Variants in STAU1 observed in about 807,000 individuals in gnomAD.
STAU1 encodes the protein staufen double-stranded RNA binding protein 1.
A neutral mutation model predicts 62.9 loss-of-function variants in STAU1; 13 were observed. That is an observed-to-expected ratio of 0.21 (90% CI 0.13 to 0.33). The LOEUF (loss-of-function observed/expected upper bound fraction) is 0.33, where lower values mean the gene tolerates loss of function less well. STAU1 is among the 10% of genes least tolerant of loss of function. The pLI is 1.00. For synonymous variants in STAU1, 269 were observed against 265.1 expected, an observed-to-expected ratio of 1.01 and a Z score of -0.14; for missense variants, 571 against 712.1, an observed-to-expected ratio of 0.80 and a Z score of 2.25.
At chr20:49,143,492 C>G (rs919066416) in intron 5 of STAU1, among the ~76,000 whole-genome samples, 2 of 152,128 alleles carry the variant, frequency 1.3e-5, no homozygotes, top group South Asian at 2.1e-4. Flanking sequence ...ACGAGGGAGA[C>G]TGAGATGGGA....
At chr20:49,150,716 C>T (rs559122104) in intron 5 of STAU1, among the ~76,000 whole-genome samples, 1 of 152,146 alleles carries the variant, frequency 6.6e-6, no homozygotes, top group South Asian at 2.1e-4. Context: ...TGAATCTGGG[C>T]TCCATGACTG....
chr20:49,139,033 T>C (rs1487230806), intron 5 of STAU1, among the ~76,000 whole-genome samples: 1 of 151,654 alleles, frequency 6.6e-6, no homozygotes, highest in Non-Finnish European at 1.5e-5. Context: ...CTAGGAAAAC[T>C]AGATATCCAC....
chr20:49,114,875 G>A lies in STAU1; in HGVS notation c.*3C>T, dbSNP rs1281458575. On this transcript the variant is annotated 3_prime_UTR_variant, in exon 14 of 14. Transcript: ENST00000371856. ...TTTATAATGGTTCATGGCCAGAAAAGGTTCAGCACCTCCCACACCTTTAAG... is the reference window on the plus strand; with the variant it reads ...TTTATAATGGTTCATGGCCAGAAAAAGTTCAGCACCTCCCACACCTTTAAG... 6.2e-7 allele frequency: 1 copy of A among 1,613,394 alleles called. No individual in the cohort carries two copies. The highest frequency in any genetic ancestry group is 2.2e-5 in the East Asian group (1 of 44,884).
At chr20:49,127,789 G>A (rs976923533) in intron 6 of STAU1, among the ~76,000 whole-genome samples, 1 of 152,126 alleles carries the variant, frequency 6.6e-6, no homozygotes, top group African/African-American at 2.4e-5. Context: ...AAGGCGGGTG[G>A]ATGGCTTCAG....
intron 3 of STAU1, among the ~76,000 whole-genome samples, chr20:49,156,449 T>C (rs2093357872): frequency 6.6e-6 from 1 of 152,186 alleles, no homozygotes; most frequent in South Asian, 2.1e-4. Flanking sequence ...AAACCATTCA[T>C]ATACATACTA....
chr20:49,185,817 G>C (rs1440784732), intron 1 of STAU1, among the ~76,000 whole-genome samples: 1 of 152,076 alleles, frequency 6.6e-6, no homozygotes, highest in Non-Finnish European at 1.5e-5. Flanking sequence ...ATGCCATTGT[G>C]ATATGGCAGT....
At chr20:49,189,342 T>C (rs2093825235), upstream of STAU1, among the ~76,000 whole-genome samples, 1 of 144,740 alleles carries the variant, frequency 6.9e-6, no homozygotes, top group African/African-American at 2.5e-5. Context: ...GGGTGGCCAG[T>C]AAAGAATCTT....
intron 3 of STAU1, among the ~76,000 whole-genome samples, chr20:49,161,040 C>G (rs530406048): frequency 6.6e-6 from 1 of 151,980 alleles, no homozygotes; most frequent in South Asian, 2.1e-4. Context: ...AAAATATGGC[C>G]AGGCGGGGTG....
rs1225537705 is a variant in STAU1 at position 49,134,522 on chromosome 20, C to T, written c.609+1311G>A. On this transcript the variant is annotated intron_variant, in intron 6 of 13. Transcript: ENST00000371856. ...TTCTCTCATGGATCCTGACACCAAA[C>T]TCATCGGAAACATAGCACTGTTACC... is the stretch of plus-strand genomic sequence containing the variant. 3 of 1,232,042 alleles carry T rather than the reference C, an allele frequency of 2.4e-6. No homozygotes were observed. The Admixed American group carries it at 5.2e-5, about 21-fold the overall frequency. 76.3% of individuals were successfully genotyped at this position (1,232,042 alleles called of 1,614,324 possible). A position where few individuals can be genotyped will look rare whatever the true frequency, so the allele number is the denominator to read the frequency against.
chr20:49,160,216 T>C (rs1353776690), intron 3 of STAU1, among the ~76,000 whole-genome samples: 2 of 152,206 alleles, frequency 1.3e-5, no homozygotes. Context: ...AACCTAGATG[T>C]GTCTGACTTC....
intron 1 of STAU1, among the ~76,000 whole-genome samples, chr20:49,174,608 C>A (rs982566131): frequency 9.2e-5 from 14 of 151,850 alleles, no homozygotes; most frequent in African/African-American, 3.4e-4. Flanking sequence ...GTAATCCCAG[C>A]ACTTTGGAAG....
At chr20:49,201,796 A>T in the STAU1 span, among the ~76,000 whole-genome samples, 1 of 151,858 alleles carries the variant, frequency 6.6e-6, no homozygotes. Flanking sequence ...TTGTGAACTG[A>T]ATGAAGACAA....
intron 6 of STAU1, among the ~76,000 whole-genome samples, chr20:49,126,461 G>A (rs1427055367): frequency 6.7e-6 from 1 of 150,320 alleles, no homozygotes; most frequent in African/African-American, 2.5e-5. Flanking sequence ...CTAGCTATGT[G>A]GGAGGCTAAA....
intron 6 of STAU1, among the ~76,000 whole-genome samples, chr20:49,129,958 C>A (rs896538858): frequency 6.6e-6 from 1 of 152,084 alleles, no homozygotes; most frequent in East Asian, 1.9e-4. Flanking sequence ...ATTTATCATG[C>A]AACTCAGCAA....
chr20:49,205,963 C>T, the STAU1 span, among the ~76,000 whole-genome samples: 31 of 150,378 alleles, frequency 2.1e-4, no homozygotes, highest in Middle Eastern at 3.5e-3. Context: ...TGTGAGCTAC[C>T]GTGTCCGGCT....
At chr20:49,153,348 C>A (rs1420598671) in intron 4 of STAU1, among the ~76,000 whole-genome samples, 1 of 149,982 alleles carries the variant, frequency 6.7e-6, no homozygotes, top group East Asian at 2.0e-4. Context: ...ACTCCTTGAG[C>A]CCAGAAGTTC....
chr20:49,145,742 A>C (rs544294760), intron 5 of STAU1, among the ~76,000 whole-genome samples: 17 of 151,930 alleles, frequency 1.1e-4, no homozygotes, highest in Non-Finnish European at 2.2e-4. Context: ...AAAAAAAAAG[A>C]AAAGAAAACC....
chr20:49,152,867 A>T (rs2093278793), intron 4 of STAU1, among the ~76,000 whole-genome samples: 1 of 152,180 alleles, frequency 6.6e-6, no homozygotes, highest in Non-Finnish European at 1.5e-5. Context: ...AAGCAGTTAC[A>T]AGGGTTATCT....
At chr20:49,174,993 A>C (rs904085371) in intron 1 of STAU1, among the ~76,000 whole-genome samples, 2 of 151,098 alleles carry the variant, frequency 1.3e-5, no homozygotes, top group African/African-American at 4.9e-5. Context: ...ACCCATCTCT[A>C]CTAAAAATAC....
Sources: allele counts gnomAD v4.1 joint callset (sites outside exome capture counted in the v4.1 genomes callset), GRCh38; gene constraint gnomAD v4.1.1; transcripts MANE v1.5; gene names NCBI Gene and HGNC (gene_info 2026-07-23, HGNC 2026-07-21).